Variants in CCDC93 observed in about 807,000 individuals in gnomAD.
CCDC93 encodes the protein CCC complex scaffolding subunit CCDC93.
In CCDC93, 61 loss-of-function variants were observed where a neutral mutation model predicts 108.2. The observed-to-expected ratio is 0.56, with a 90% CI of 0.46 to 0.70. The LOEUF is 0.70. Among genes scored for constraint, CCDC93 ranks in the 30% least tolerant of loss-of-function variants. The pLI is 0.00. For missense variants in CCDC93, 685 were observed against 764.2 expected, an observed-to-expected ratio of 0.90 and a Z score of 1.22; for synonymous variants, 276 against 260.4, an observed-to-expected ratio of 1.06 and a Z score of -0.58.
intron 15 of CCDC93, among the ~76,000 whole-genome samples, chr2:117,947,442 G>T (rs564762603): frequency 6.6e-6 from 1 of 152,280 alleles, no homozygotes; most frequent in African/African-American, 2.4e-5. Context: ...GTTTCCAGAA[G>T]ATGACAGCCA....
intron 18 of CCDC93, among the ~76,000 whole-genome samples, chr2:117,942,473 C>T (rs766433394): frequency 5.5e-4 from 83 of 152,178 alleles, no homozygotes; most frequent in Non-Finnish European, 9.7e-4. Context: ...CCCCACTGAA[C>T]TGCTTTTGCC....
chr2:117,945,455 C>CCAT, intron 17 of CCDC93, 74 bp downstream of exon 17: 2 of 1,194,268 alleles, frequency 1.7e-6, no homozygotes, highest in East Asian at 4.7e-5. Context: ...GCATGAGAAG[C>CCAT]CATCACAGGA....
Position 118,008,800 on chromosome 2 carries a change from G to C in CCDC93, c.43-142C>G. 2 of 615,744 alleles carry C rather than the reference G, an allele frequency of 3.2e-6. 1 individual carries two copies. Among genetic ancestry groups the C allele is most frequent in the South Asian group, 3.8e-5 (2 of 52,298 alleles). 38.1% of individuals were successfully genotyped at this position (615,744 alleles called of 1,614,324 possible). A position where few individuals can be genotyped will look rare whatever the true frequency, so the allele number is the denominator to read the frequency against. ...CCACAATAGATTCTCTGAAAATTCA[G>C]CAAGTGTCACACAGAAGTATGTGGA... is the stretch of plus-strand genomic sequence containing the variant. On this transcript the variant is annotated intron_variant, in intron 1 of 23. Coordinates refer to ENST00000376300, the MANE Select transcript of CCDC93 (RefSeq NM_019044.5).
At chr2:117,996,436 G>T in intron 4 of CCDC93, 74 bp from the exon 5 acceptor site, 1 of 975,398 alleles carries the variant, frequency 1.0e-6, no homozygotes, top group Non-Finnish European at 1.7e-6. Context: ...TTCAGACATG[G>T]CCCAACTCAT....
intron 20 of CCDC93, 74 bp from the exon 21 acceptor site, chr2:117,936,813 C>T: frequency 8.7e-7 from 1 of 1,155,098 alleles, no homozygotes; most frequent in Non-Finnish European, 1.3e-6. Flanking sequence ...CTGCTGCAAG[C>T]TTGCCTGTCT....
chr2:117,924,550 A>G (rs10176309), intron 23 of CCDC93, among the ~76,000 whole-genome samples: 92,838 of 152,058 alleles, frequency 0.61, 28,994 homozygotes, highest in African/African-American at 0.72. Context: ...TCAAATGAAT[A>G]AAATCAAGCG....
intron 11 of CCDC93, among the ~76,000 whole-genome samples, chr2:117,961,212 C>T (rs1030203716): frequency 1.3e-5 from 2 of 151,888 alleles, no homozygotes; most frequent in African/African-American, 4.8e-5. Context: ...TTCAGACAAC[C>T]ATACAGAGAG....
In CCDC93 at chr2:117,915,842, TC is replaced by T. The variant is rs1453865823; in HGVS notation, c.*4500del. ...AACATTAGGATACCATGGGCTTTTT[TC>T]CTCACTTAATCATGCATCTTGGGGC... is the stretch of plus-strand genomic sequence containing the variant. On this transcript the variant is annotated 3_prime_UTR_variant, in exon 24 of 24. Coordinates refer to ENST00000376300, the MANE Select transcript of CCDC93 (RefSeq NM_019044.5). The T allele has an allele frequency of 1.3e-5, 2 of 152,208 alleles. No individual in the cohort carries two copies. Among genetic ancestry groups the T allele is most frequent in the Non-Finnish European group, 2.9e-5 (2 of 68,026 alleles). 9.4% of individuals were successfully genotyped at this position (152,208 alleles called of 1,614,324 possible).
chr2:117,934,295 C>T (rs1190906730), intron 22 of CCDC93, among the ~76,000 whole-genome samples: 2 of 152,134 alleles, frequency 1.3e-5, no homozygotes, highest in African/African-American at 2.4e-5. Context: ...ACACTGACAC[C>T]TGGGTTGTCA....
At chr2:117,949,564 A>G in intron 13 of CCDC93, 169 bp from the exon 14 acceptor site, 1 of 237,110 alleles carries the variant, frequency 4.2e-6, no homozygotes, top group Non-Finnish European at 6.9e-6. Flanking sequence ...CTAAGCCAAT[A>G]TTTTAAAAAA....
intron 11 of CCDC93, among the ~76,000 whole-genome samples, chr2:117,966,141 T>C (rs1679562221): frequency 6.6e-6 from 1 of 152,218 alleles, no homozygotes; most frequent in Non-Finnish European, 1.5e-5. Context: ...CTAGCCACCA[T>C]GTGTGCCCCA....
chr2:117,970,419 C>T (rs907153360), intron 11 of CCDC93, among the ~76,000 whole-genome samples: 1 of 151,754 alleles, frequency 6.6e-6, no homozygotes, highest in East Asian at 1.9e-4. Context: ...TTACCAGATC[C>T]ATGGAAAAAC....
chr2:117,920,221 G>T lies in CCDC93; in HGVS notation c.*122C>A, dbSNP rs1198731018. 1.7e-6 allele frequency: 1 copy of T among 601,200 alleles called. No homozygotes were observed. 37.2% of individuals were successfully genotyped at this position (601,200 alleles called of 1,614,324 possible). A position where few individuals can be genotyped will look rare whatever the true frequency, so the allele number is the denominator to read the frequency against. ...CAAAGAGGAGAAAGAAAACATCCAG[G>T]TTGTTGAAATCATCACAACTGCATC... On this transcript the variant is annotated 3_prime_UTR_variant, in exon 24 of 24. Coordinates refer to ENST00000376300, the MANE Select transcript of CCDC93 (RefSeq NM_019044.5).
At chr2:117,929,637 C>T (rs1037697898) in intron 23 of CCDC93, among the ~76,000 whole-genome samples, 3 of 152,222 alleles carry the variant, frequency 2.0e-5, no homozygotes, top group African/African-American at 7.2e-5. Flanking sequence ...CAGTTCTTCT[C>T]CTTTTGTTAG....
At chr2:117,935,792 T>C (rs959369899) in intron 21 of CCDC93, 13 of 405,664 alleles carry the variant, frequency 3.2e-5, no homozygotes, top group Non-Finnish European at 5.2e-5. Flanking sequence ...GGTCTTATAA[T>C]TGCATGTTAA....
chr2:117,989,233 G>T (rs1398319240), intron 6 of CCDC93, among the ~76,000 whole-genome samples: 1 of 152,148 alleles, frequency 6.6e-6, no homozygotes, highest in Non-Finnish European at 1.5e-5. Context: ...AAGCCACTGG[G>T]GCTCTTCATA....
chr2:117,927,594 T>G (rs1328907311), intron 23 of CCDC93, among the ~76,000 whole-genome samples: 2 of 152,086 alleles, frequency 1.3e-5, no homozygotes, highest in Non-Finnish European at 2.9e-5. Flanking sequence ...AAACCACTGC[T>G]CGATGAAATA....
chr2:117,942,152 G>A lies in CCDC93; in HGVS notation c.1414-855C>T, dbSNP rs568262980. Reference sequence around the variant, plus strand: ...AGGGAAGGATGTATTTCTCCCTTAGGCCAAGGCTACGCTCCCCATGGGTGC... The same window carrying A: ...AGGGAAGGATGTATTTCTCCCTTAGACCAAGGCTACGCTCCCCATGGGTGC... On this transcript the variant is annotated intron_variant, in intron 18 of 23. Transcript: ENST00000376300. Among the ~76,000 whole-genome samples the A allele has an allele frequency of 1.9e-3, 294 of 152,298 alleles. 10 individuals are homozygous for A. Among genetic ancestry groups the A allele is most frequent in the Admixed American group, 0.019 (293 of 15,306 alleles).
intron 7 of CCDC93, among the ~76,000 whole-genome samples, 194 bp downstream of exon 7, chr2:117,985,775 T>C (rs1680298621): frequency 6.6e-6 from 1 of 152,138 alleles, no homozygotes; most frequent in Admixed American, 6.5e-5. Context: ...AGGTGCACAT[T>C]TCCAGAGAGG....
Sources: gnomAD v4.1 joint callset for allele counts (sites outside exome capture counted in the v4.1 genomes callset) on GRCh38, gnomAD v4.1.1 for gene constraint, MANE v1.5 for transcripts, NCBI Gene and HGNC (gene_info 2026-07-23, HGNC 2026-07-21) for gene names.